ABCB11: variants seen among roughly 807,000 people sequenced by gnomAD.
ABCB11 encodes the protein ATP binding cassette subfamily B member 11.
ABCB11 carries 95 observed loss-of-function variants against 148.0 expected under a neutral mutation model. The observed-to-expected ratio is 0.64, with a 90% confidence interval of 0.54 to 0.76. The LOEUF is 0.76. Among genes scored for constraint, ABCB11 ranks in the 30% least tolerant of loss-of-function variants. The pLI is 0.00. For missense variants in ABCB11, 1,523 were observed against 1,617.8 expected, an observed-to-expected ratio of 0.94 and a Z score of 1.01; for synonymous variants, 591 against 555.4, an observed-to-expected ratio of 1.06 and a Z score of -0.90.
intron 19 of ABCB11, among the ~76,000 whole-genome samples, chr2:168,951,467 A>G (rs1401001879): frequency 6.6e-6 from 1 of 151,386 alleles, no homozygotes; most frequent in East Asian, 2.0e-4. Flanking sequence ...GAGATCTTTC[A>G]CCTCTTTGCT....
chr2:168,921,477 CAA>C lies in ABCB11; in HGVS notation c.*2143_*2144del. ...GCTCCCAAGGTTTTCATTTCTGTGA[CAA>C]GAGCTCTTTTTTGTATGTTCACTTT... On this transcript the variant is annotated 3_prime_UTR_variant, in exon 28 of 28. Coordinates refer to ENST00000650372, the MANE Select transcript of ABCB11 (RefSeq NM_003742.4). Among the ~76,000 whole-genome samples the C allele has an allele frequency of 6.6e-6, 1 of 152,228 alleles. No individual in the cohort carries two copies. Among genetic ancestry groups the C allele is most frequent in the South Asian group, 2.1e-4 (1 of 4,820 alleles).
Position 169,010,304 on chromosome 2 carries a change from AT to A in ABCB11, c.389+2967del, listed in dbSNP as rs200778659. Among the ~76,000 whole-genome samples, 1,423 of 152,236 alleles carry A rather than the reference AT, an allele frequency of 9.3e-3. 26 individuals are homozygous for A. Among genetic ancestry groups the A allele is most frequent in the African/African-American group, 0.03 (1,263 of 41,548 alleles). ...ACTTCCTATTCCTTCATCTGCTTTC[AT>A]TTTTTTATCTATTATTCGACTGTTC... On this transcript the variant is annotated intron_variant, in intron 5 of 27. Coordinates refer to ENST00000650372, the MANE Select transcript of ABCB11 (RefSeq NM_003742.4).
rs369600588 is a variant in ABCB11, at chr2:169,014,289, C to T, written c.150+14G>A. 6 of 1,611,186 alleles carry T rather than the reference C, an allele frequency of 3.7e-6. No homozygotes were observed. Among genetic ancestry groups the T allele is most frequent in the East Asian group, 2.2e-5 (1 of 44,804 alleles). Reference sequence around the variant, plus strand: ...CTGCACACCCACTGCCATAAATCAACACAGTTTTATTACCAATTGAAAGAA... The same window carrying T: ...CTGCACACCCACTGCCATAAATCAATACAGTTTTATTACCAATTGAAAGAA... On this transcript the variant is annotated intron_variant, in intron 4 of 27. Coordinates refer to ENST00000650372, the MANE Select transcript of ABCB11 (RefSeq NM_003742.4).
intron 18 of ABCB11, among the ~76,000 whole-genome samples, chr2:168,961,321 C>T (rs1693064797): frequency 6.6e-6 from 1 of 151,720 alleles, no homozygotes; most frequent in South Asian, 2.1e-4. Context: ...TTCTGCCTTC[C>T]ATTCAGTAGA....
chr2:169,020,870 G>T (rs1695514383), intron 1 of ABCB11, among the ~76,000 whole-genome samples: 1 of 151,936 alleles, frequency 6.6e-6, no homozygotes, highest in Non-Finnish European at 1.5e-5. Context: ...ACTTTACATA[G>T]GTGAACTCTG....
chr2:168,976,761 A>G (rs987215952), intron 11 of ABCB11, 74 bp from the exon 12 acceptor site: 2 of 893,728 alleles, frequency 2.2e-6, no homozygotes, highest in Non-Finnish European at 3.6e-6. Flanking sequence ...TTGTAAATTC[A>G]AATAAACATC....
At chr2:169,030,835 C>A (rs1219922646) in intron 1 of ABCB11, among the ~76,000 whole-genome samples, 1 of 152,150 alleles carries the variant, frequency 6.6e-6, no homozygotes, top group Non-Finnish European at 1.5e-5. Flanking sequence ...AATTTGTGAT[C>A]ATTGAATCTG....
At chr2:168,997,999 G>A (rs73020766) in intron 5 of ABCB11, among the ~76,000 whole-genome samples, 3,618 of 152,006 alleles carry the variant, frequency 0.024, 70 homozygotes, top group African/African-American at 0.041. Flanking sequence ...AACCAGCTAA[G>A]GTCTCTTGTG....
rs569207110 is a variant in ABCB11 at position 168,963,091 on chromosome 2, C to T, written c.2178+1115G>A. The stretch of plus-strand genomic sequence containing the variant: ...TTGTAATTACTGCCTAGTGGATTCA[C>T]GTGTTGGAATTTTATTTAAGACAAT... On this transcript the variant is annotated intron_variant, in intron 18 of 27. Transcript: ENST00000650372. Among the ~76,000 whole-genome samples, 281 of 151,798 alleles carry T rather than the reference C, an allele frequency of 1.9e-3. 7 individuals are homozygous for T. The South Asian group carries it at 0.054, about 29-fold the overall frequency.
At chr2:168,977,794 T>A (rs1028883971) in intron 11 of ABCB11, among the ~76,000 whole-genome samples, 6 of 152,166 alleles carry the variant, frequency 3.9e-5, no homozygotes, top group Admixed American at 3.9e-4. Flanking sequence ...ACTGCCACTT[T>A]AAAACCGTCA....
downstream of ABCB11, among the ~76,000 whole-genome samples, chr2:168,920,272 A>G (rs1196365274): frequency 3.3e-5 from 5 of 152,136 alleles, no homozygotes; most frequent in Admixed American, 1.3e-4. Flanking sequence ...GTGCCCAAAT[A>G]GGATTTTTAT....
chr2:168,932,517 C>A lies in ABCB11; in HGVS notation c.3073G>T (p.Val1025Leu), dbSNP rs1331120015. The A allele has an allele frequency of 3.7e-6, 6 of 1,613,476 alleles. No homozygotes were observed. The highest frequency in any genetic ancestry group is 4.2e-6 in the Non-Finnish European group (5 of 1,179,772). The change falls in exon 24 of 28, where the codon GTA becomes TTA. Residue 1025 changes from valine (V) to leucine (L), a missense_variant. By Grantham distance (32) the Val-to-Leu change is conservative. Coordinates refer to ENST00000650372, the MANE Select transcript of ABCB11 (RefSeq NM_003742.4). ...SYVFRVISAV[V>L]LSATALGRAF... is the part of the protein sequence containing the mutation. ...CTTCCAAGAGCTGTTGCACTCAGTA[C>A]AACTGCAGAGATCACCCTGTAACCA... is the stretch of plus-strand genomic sequence containing the variant.
At chr2:169,021,385 C>G (rs1695535346) in intron 1 of ABCB11, among the ~76,000 whole-genome samples, 1 of 151,990 alleles carries the variant, frequency 6.6e-6, no homozygotes, top group Non-Finnish European at 1.5e-5. Context: ...ATGTTAATGT[C>G]AGAAAAATAG....
intron 1 of ABCB11, among the ~76,000 whole-genome samples, chr2:169,027,214 T>C (rs1322308721): frequency 6.6e-6 from 1 of 152,150 alleles, no homozygotes; most frequent in Admixed American, 6.6e-5. Context: ...TCCAGAAAAA[T>C]GTATTTTCCA....
At chr2:168,947,263 C>G (rs1054860439) in intron 19 of ABCB11, among the ~76,000 whole-genome samples, 4 of 151,670 alleles carry the variant, frequency 2.6e-5, no homozygotes, top group African/African-American at 9.7e-5. Flanking sequence ...GGAAATTTAT[C>G]AAGGATAAAT....
intron 24 of ABCB11, among the ~76,000 whole-genome samples, chr2:168,931,731 T>C (rs1691575541): frequency 6.6e-6 from 1 of 152,244 alleles, no homozygotes; most frequent in Non-Finnish European, 1.5e-5. Flanking sequence ...TTCATTCATT[T>C]GGGAACTAAG....
At chr2:168,988,716 T>A (rs563834929) in intron 9 of ABCB11, among the ~76,000 whole-genome samples, 4 of 152,162 alleles carry the variant, frequency 2.6e-5, no homozygotes, top group Admixed American at 6.6e-5. Flanking sequence ...TGATTTACTT[T>A]CCCACCAAAA....
chr2:168,991,056 A>C, intron 8 of ABCB11, 131 bp from the exon 9 acceptor site: 2 of 1,138,430 alleles, frequency 1.8e-6, no homozygotes, highest in East Asian at 2.6e-5. Context: ...CATCATTGAC[A>C]GGAGGAAGAA....
At chr2:168,946,721 A>G (rs996453674) in intron 19 of ABCB11, among the ~76,000 whole-genome samples, 6 of 151,806 alleles carry the variant, frequency 4.0e-5, no homozygotes, top group Non-Finnish European at 8.8e-5. Context: ...ACTCTTATAG[A>G]TGGAAAATAA....
Sources: gnomAD v4.1 joint callset for allele counts (sites outside exome capture counted in the v4.1 genomes callset) on GRCh38, gnomAD v4.1.1 for gene constraint, MANE v1.5 for transcripts, NCBI Gene and HGNC (gene_info 2026-07-23, HGNC 2026-07-21) for gene names.